Variants in NAP1L1 observed in about 807,000 individuals in gnomAD.
NAP1L1 encodes nucleosome assembly protein 1-like 1.
A neutral mutation model predicts 58.9 loss-of-function variants in NAP1L1; 9 were observed. The observed-to-expected ratio is 0.15, with a 90% confidence interval of 0.09 to 0.27. The LOEUF is 0.27. Among genes scored for constraint, NAP1L1 ranks in the 10% least tolerant of loss-of-function variants. The pLI is 1.00. For missense variants in NAP1L1, 302 were observed against 458.8 expected, an observed-to-expected ratio of 0.66 and a Z score of 3.12; for synonymous variants, 130 against 138.3, an observed-to-expected ratio of 0.94 and a Z score of 0.42.
At chr12:76,073,309 C>T (rs1190148531) in intron 2 of NAP1L1, among the ~76,000 whole-genome samples, 2 of 152,148 alleles carry the variant, frequency 1.3e-5, no homozygotes, top group South Asian at 4.1e-4. Context: ...CATCCCCTCA[C>T]TCCCAAGTGC....
intron 3 of NAP1L1, among the ~76,000 whole-genome samples, chr12:76,068,347 C>T (rs1455104905): frequency 1.3e-5 from 2 of 152,100 alleles, no homozygotes; most frequent in Admixed American, 1.3e-4. Context: ...CAATTAACTT[C>T]CATCCGGCTT....
intron 1 of NAP1L1, among the ~76,000 whole-genome samples, chr12:76,078,398 C>A (rs1234863687): frequency 6.6e-6 from 1 of 152,094 alleles, no homozygotes; most frequent in African/African-American, 2.4e-5. Context: ...ACCTGTATAT[C>A]AAAATTAAAT....
At chr12:76,057,875 C>T in intron 6 of NAP1L1, 1 of 1,445,598 alleles carries the variant, frequency 6.9e-7, no homozygotes. Context: ...GACGGTACCA[C>T]AAAAGGTTAC....
In NAP1L1 at chr12:76,069,062, TA is replaced by T. The variant is rs200450387; in HGVS notation, c.18-69del. 2,450 of 1,124,792 alleles carry T rather than the reference TA, an allele frequency of 2.2e-3. 31 individuals are homozygous for T. The African/African-American group carries it at 0.034, about 15-fold the overall frequency. 69.7% of individuals were successfully genotyped at this position (1,124,792 alleles called of 1,614,324 possible). A position where few individuals can be genotyped will look rare whatever the true frequency, so the allele number is the denominator to read the frequency against. ...TACCAAAAAAAGTTACAGAAAAACT[TA>T]AAATTCATTTTCAAAATTAGTATCT... is the stretch of plus-strand genomic sequence containing the variant. On this transcript the variant is annotated intron_variant, in intron 2 of 14. Coordinates refer to ENST00000618691, the MANE Select transcript of NAP1L1 (RefSeq NM_004537.7).
rs1948541164 is a variant in NAP1L1 at position 76,040,391 on chromosome 12, T to A, written c.*8038A>T. 1 of 152,204 alleles carries A rather than the reference T, an allele frequency of 6.6e-6. No individual in the cohort carries two copies. The highest frequency in any genetic ancestry group is 2.4e-5 in the African/African-American group (1 of 41,452). The allele number at this position is 152,204 out of a possible 1,614,324, so 9.4% of individuals were successfully genotyped here. A position where few individuals can be genotyped will look rare whatever the true frequency, so the allele number is the denominator to read the frequency against. On this transcript the variant is annotated 3_prime_UTR_variant, in exon 15 of 15. Transcript: ENST00000618691. ...AAGAGGGTCCACTTACAGGTTTACT[T>A]CTGTCTCTACTACCCCTGTGACAGC...
At chr12:76,065,208 G>A (rs566027460) in intron 4 of NAP1L1, among the ~76,000 whole-genome samples, 1 of 151,580 alleles carries the variant, frequency 6.6e-6, no homozygotes, top group African/African-American at 2.4e-5. Flanking sequence ...ATATACTGAA[G>A]GGAAAAGTTC....
Position 76,043,608 on chromosome 12 carries a change from C to T in NAP1L1, c.*4821G>A, listed in dbSNP as rs1489812110. The T allele has an allele frequency of 6.6e-6, 1 of 152,128 alleles. No individual in the cohort carries two copies. Among genetic ancestry groups the T allele is most frequent in the Admixed American group, 6.6e-5 (1 of 15,264 alleles). The allele number at this position is 152,128 out of a possible 1,614,324, so 9.4% of individuals were successfully genotyped here. A position where few individuals can be genotyped will look rare whatever the true frequency, so the allele number is the denominator to read the frequency against. On this transcript the variant is annotated 3_prime_UTR_variant, in exon 15 of 15. Transcript: ENST00000618691. ...CTTCCACAGCTAAACTTTCTATGGA[C>T]TGGCCACTTGTATTTCTACCTGTAT...
chr12:76,065,064 CAAGT>C (rs900970322), intron 4 of NAP1L1, among the ~76,000 whole-genome samples: 40 of 152,070 alleles, frequency 2.6e-4, no homozygotes, highest in African/African-American at 8.5e-4. Flanking sequence ...ATTTCACTAA[CAAGT>C]AAGAACTGTA....
At chr12:76,055,388 T>G (rs1346588016) in intron 7 of NAP1L1, among the ~76,000 whole-genome samples, 1 of 152,210 alleles carries the variant, frequency 6.6e-6, no homozygotes, top group Non-Finnish European at 1.5e-5. Context: ...GTTTCCTGAT[T>G]GTAATTGCTG....
chr12:76,059,638 A>C (rs1018323341), intron 6 of NAP1L1, 160 bp downstream of exon 6: 1 of 577,014 alleles, frequency 1.7e-6, no homozygotes, highest in African/African-American at 2.0e-5. Flanking sequence ...TTTTTTAAAA[A>C]TAAAGTAATA....
At chr12:76,058,833 T>C (rs913212020) in intron 6 of NAP1L1, among the ~76,000 whole-genome samples, 1 of 152,224 alleles carries the variant, frequency 6.6e-6, no homozygotes, top group Admixed American at 6.5e-5. Context: ...TCCTTGCTTC[T>C]CTGATGTGAT....
At chr12:76,079,441 A>C (rs749380986) in intron 1 of NAP1L1, among the ~76,000 whole-genome samples, 1 of 152,214 alleles carries the variant, frequency 6.6e-6, no homozygotes, top group Non-Finnish European at 1.5e-5. Flanking sequence ...TTGAGGTTAC[A>C]GTGAGCTATG....
chr12:76,058,638 G>A (rs1260264408), intron 6 of NAP1L1, among the ~76,000 whole-genome samples: 1 of 152,022 alleles, frequency 6.6e-6, no homozygotes, highest in African/African-American at 2.4e-5. Flanking sequence ...GGCCCACCTA[G>A]GCCTCCCAAA....
intron 1 of NAP1L1, among the ~76,000 whole-genome samples, chr12:76,076,398 T>A (rs138225542): frequency 6.6e-6 from 1 of 152,000 alleles, no homozygotes; most frequent in Admixed American, 6.6e-5. Flanking sequence ...TTCTTTGGGG[T>A]AGCACACAAA....
At chr12:76,059,992 C>G in intron 5 of NAP1L1, 114 bp from the exon 6 acceptor site, 1 of 1,171,936 alleles carries the variant, frequency 8.5e-7, no homozygotes, top group Non-Finnish European at 1.2e-6. Context: ...ACAACTTTAA[C>G]TGCTATTATT....
intron 4 of NAP1L1, among the ~76,000 whole-genome samples, chr12:76,066,109 TA>T (rs1949655212): frequency 2.1e-5 from 1 of 48,440 alleles, no homozygotes; most frequent in Non-Finnish European, 3.5e-5. Flanking sequence ...AATAAATAAA[TA>T]AATAAATAAA....
intron 1 of NAP1L1, among the ~76,000 whole-genome samples, chr12:76,076,544 A>G (rs540656972): frequency 1.0e-4 from 13 of 129,354 alleles, no homozygotes; most frequent in African/African-American, 3.7e-4. Flanking sequence ...CCCTTTGGAT[A>G]TGGAAATATA....
chr12:76,074,292 AAAT>A, intron 1 of NAP1L1, 53 bp from the exon 2 acceptor site: 1 of 1,505,686 alleles, frequency 6.6e-7, no homozygotes, highest in Non-Finnish European at 8.8e-7. Context: ...TATTAAAAAA[AAAT>A]AAGAAACCAA....
intron 13 of NAP1L1, 70 bp downstream of exon 13, chr12:76,049,686 C>T: frequency 1.3e-6 from 2 of 1,578,558 alleles, no homozygotes; most frequent in Admixed American, 1.7e-5. Context: ...CAAAGGAATA[C>T]ATAAGTCATT....
Sources: gnomAD v4.1 joint callset for allele counts (sites outside exome capture counted in the v4.1 genomes callset) on GRCh38, gnomAD v4.1.1 for gene constraint, MANE v1.5 for transcripts, NCBI Gene and HGNC (gene_info 2026-07-23, HGNC 2026-07-21) for gene names.